The following TRANK1 variants were observed in gnomAD, a reference collection of about 807,000 sequenced individuals.
The protein encoded by TRANK1 is tetratricopeptide repeat and ankyrin repeat containing 1.
A neutral mutation model predicts 266.0 loss-of-function variants in TRANK1; 198 were observed. The ratio of observed to expected loss-of-function variants is 0.74; its 90% CI spans 0.66 to 0.84. The LOEUF is 0.84. TRANK1 is among the 40% of genes least tolerant of loss of function. The pLI, the probability that TRANK1 is intolerant of heterozygous loss-of-function variation, is 0.00. For missense variants in TRANK1, 3,326 were observed against 3,634.6 expected (o/e 0.92, Z 2.18); for synonymous variants, 1,396 against 1,384.1 (o/e 1.01, Z -0.19).
At chr3:36,836,838 G>A (rs1330115815) in intron 20 of TRANK1, among the ~76,000 whole-genome samples, 1 of 152,194 alleles carries the variant, frequency 6.6e-6, no homozygotes, top group Admixed American at 6.5e-5. Context: ...CTAAGCTGAT[G>A]CTAGACTCTA....
Position 36,834,891 on chromosome 3 carries a change from T to A in TRANK1, c.5534A>T (p.Tyr1845Phe). The change falls in exon 21 of 24, where the codon TAT (tyrosine) becomes TTT (phenylalanine). Residue 1845 changes from tyrosine to phenylalanine, a missense_variant. Tyr to Phe is a conservative substitution (Grantham distance 22, BLOSUM62 3). Transcript: ENST00000645898. ...ERLGKIRDAA[Y>F]FYKRSQCYKD... is the part of the protein sequence containing the mutation. ...GTAGCACTGGCTTCGCTTATAGAAATAGGCAGCATCTCTTATCTAGGATGG... is the reference window on the plus strand; with the variant it reads ...GTAGCACTGGCTTCGCTTATAGAAAAAGGCAGCATCTCTTATCTAGGATGG... 6.2e-7 allele frequency: 1 copy of A among 1,611,164 alleles called. No homozygotes were observed. Among genetic ancestry groups the A allele is most frequent in the Non-Finnish European group, 8.5e-7 (1 of 1,179,120 alleles).
chr3:36,888,595 C>T (rs894144679), intron 8 of TRANK1, among the ~76,000 whole-genome samples: 3 of 152,170 alleles, frequency 2.0e-5, no homozygotes, highest in Admixed American at 6.5e-5. Flanking sequence ...AAACAAGCCT[C>T]GCTGGGCTCC....
intron 1 of TRANK1, among the ~76,000 whole-genome samples, chr3:36,927,467 CT>C (rs2080304162): frequency 1.3e-5 from 2 of 152,218 alleles, no homozygotes; most frequent in African/African-American, 4.8e-5. Context: ...CACCAGACAC[CT>C]GCAAGTTAGC....
At position 36,908,448 on chromosome 3, in the gene TRANK1, G is replaced by T. The variant is rs2080005123; in HGVS notation, c.30C>A (p.Asp10Glu). 9.7e-6 allele frequency: 12 copies of T among 1,232,186 alleles called. No individual in the cohort carries two copies. The highest frequency in any genetic ancestry group is 1.2e-5 in the Non-Finnish European group (12 of 987,988). The allele number at this position is 1,232,186 out of a possible 1,614,324, so 76.3% of individuals were successfully genotyped here. The change falls in exon 2 of 24, where the codon GAC (aspartate) becomes GAA (glutamate). Residue 10 changes from aspartate (D) to glutamate (E), a missense_variant. Coordinates refer to ENST00000645898, the MANE Select transcript of TRANK1 (RefSeq NM_001329998.2). ...TCAGCAGCTCAGCGTAAGCTGTCAG[G>T]TCCATCCTGTGAGGAGACGGGGGAG... Reference protein sequence around the residue: MWDPRAARMDLTAYAELLKE... With the variant: MWDPRAARMELTAYAELLKE...
chr3:36,831,789 G>A lies in TRANK1; in HGVS notation c.7794C>T (p.Leu2598=). 6.2e-7 allele frequency: 1 copy of A among 1,613,962 alleles called. No homozygotes were observed. The highest frequency in any genetic ancestry group is 8.5e-7 in the Non-Finnish European group (1 of 1,179,896). ...HFREIESRLQ[L]MSMDCPGQVP... The stretch of plus-strand genomic sequence containing the variant: ...CCTGGCCAGGGCAGTCCATGCTCAT[G>A]AGCTGCAGCCTTGACTCAATCTCCC... The change falls in exon 22 of 24, where the codon CTC becomes CTT. Residue 2598 remains leucine, a synonymous_variant. Coordinates refer to ENST00000645898, the MANE Select transcript of TRANK1 (RefSeq NM_001329998.2). This position sits in a 1 kb window ranked among gnomAD's most constrained non-coding sequence, Gnocchi z 5.0.
At chr3:36,861,307 T>C in intron 10 of TRANK1, 147 bp from the exon 11 acceptor site, 2 of 964,502 alleles carry the variant, frequency 2.1e-6, no homozygotes, top group South Asian at 1.7e-5. Context: ...TAACCACTCA[T>C]GAACATCAGT....
At chr3:36,912,771 T>G (rs1232262286) in intron 1 of TRANK1, among the ~76,000 whole-genome samples, 1 of 152,208 alleles carries the variant, frequency 6.6e-6, no homozygotes, top group Non-Finnish European at 1.5e-5. Context: ...GCAACACAGA[T>G]GGCCTATGGA....
chr3:36,849,328 T>G (rs972317197), intron 15 of TRANK1, among the ~76,000 whole-genome samples: 2 of 152,176 alleles, frequency 1.3e-5, no homozygotes, highest in African/African-American at 4.8e-5. Flanking sequence ...ACTGGAAGAA[T>G]GACTTCCTCT....
At chr3:36,838,767 C>T in intron 18 of TRANK1, 51 bp from the exon 19 acceptor site, 1 of 1,546,718 alleles carries the variant, frequency 6.5e-7, no homozygotes. Context: ...AGGTAACAGA[C>T]AGAACAACGG....
At chr3:36,895,780 T>G in intron 4 of TRANK1, 22 bp from the exon 5 acceptor site, 5 of 1,490,956 alleles carry the variant, frequency 3.4e-6, no homozygotes, top group Non-Finnish European at 4.5e-6. Flanking sequence ...TTTCATAATT[T>G]AGGGATTTTA....
chr3:36,889,653 T>C (rs1234066484), intron 8 of TRANK1, among the ~76,000 whole-genome samples, 176 bp downstream of exon 8: 1 of 152,212 alleles, frequency 6.6e-6, no homozygotes, highest in Non-Finnish European at 1.5e-5. Context: ...CTCACCTTCT[T>C]TCTGCATTAC....
chr3:36,901,101 G>GTTTT (rs55801006), intron 3 of TRANK1, among the ~76,000 whole-genome samples: 1 of 136,980 alleles, frequency 7.3e-6, no homozygotes, highest in Non-Finnish European at 1.6e-5. Context: ...ATTCAAGGTT[G>GTTTT]TTTTTTTTTT....
At chr3:36,945,134 G>A (rs2080555752), upstream of TRANK1, 2 of 345,304 alleles carry the variant, frequency 5.8e-6, no homozygotes, top group East Asian at 9.8e-5. Flanking sequence ...TTGTCATCGC[G>A]TTCAAAAGGG....
Position 36,856,914 on chromosome 3 carries a change from C to T in TRANK1, c.2808G>A (p.Thr936=), listed in dbSNP as rs374314645. The T allele has an allele frequency of 2.9e-4, 460 of 1,613,850 alleles. 6 individuals carry two copies. In the South Asian group the frequency reaches 4.5e-3, roughly 16 times the overall value. The change falls in exon 13 of 24, where the codon ACG becomes ACA. Residue 936 remains threonine, a synonymous_variant. Coordinates refer to ENST00000645898, the MANE Select transcript of TRANK1 (RefSeq NM_001329998.2). The stretch of plus-strand genomic sequence containing the variant: ...CGATGTCCCAAATCCGGATGATTTC[C>T]GTGTAGATCCGCCCTGATTTCTCCA... ...CAMEKSGRIY[T]EIIRIWDIVL...
Position 36,832,947 on chromosome 3 carries a change from A to T in TRANK1, c.6636T>A (p.Pro2212=). 6.2e-7 allele frequency: 1 copy of T among 1,612,570 alleles called. No homozygotes were observed. Among genetic ancestry groups the T allele is most frequent in the Non-Finnish European group, 8.5e-7 (1 of 1,179,070 alleles). Reference sequence around the variant, plus strand: ...AACACTTGGCTTCACAACGCCGCAGAGGCCTGTGAAAATGTTCACAGTTTT... The same window carrying T: ...AACACTTGGCTTCACAACGCCGCAGTGGCCTGTGAAAATGTTCACAGTTTT... The part of the protein sequence containing the change: ...EDENCEHFHR[P]LRRCEAKCLV... The change falls in exon 22 of 24, where the codon CCT becomes CCA. Residue 2212 remains proline, a synonymous_variant. Transcript: ENST00000645898.
At chr3:36,935,217 C>T (rs1008451298) in intron 1 of TRANK1, among the ~76,000 whole-genome samples, 23 of 152,148 alleles carry the variant, frequency 1.5e-4, no homozygotes, top group African/African-American at 5.3e-4. Context: ...CCCTGCATGC[C>T]CACCCCGGGA....
chr3:36,832,110 G>A lies in TRANK1; in HGVS notation c.7473C>T (p.Phe2491=). Reference sequence around the variant, plus strand: ...GCTCCTTGTCCTTCTTGCTAAACAGGAACTCCCAGTAGTGCAAGAGTGCAA... The same window carrying A: ...GCTCCTTGTCCTTCTTGCTAAACAGAAACTCCCAGTAGTGCAAGAGTGCAA... ...SYIALLHYWE[F]LFSKKDKELG... Residue 2491 remains phenylalanine, a synonymous_variant, in exon 22 of 24, where the codon TTC becomes TTT. Coordinates refer to ENST00000645898, the MANE Select transcript of TRANK1 (RefSeq NM_001329998.2). The A allele has an allele frequency of 6.2e-7, 1 of 1,613,938 alleles. No individual in the cohort carries two copies.
chr3:36,907,317 A>ATTTTTTTTTTTTTTTTT (rs2079984162), intron 2 of TRANK1, among the ~76,000 whole-genome samples: 2 of 151,876 alleles, frequency 1.3e-5, no homozygotes, highest in Admixed American at 1.3e-4. Flanking sequence ...CGCCCAGCTA[A>ATTTTTTTTTTTTTTTTT]TTTTGTATTT....
At chr3:36,919,351 T>C (rs888459582) in intron 1 of TRANK1, among the ~76,000 whole-genome samples, 6 of 152,234 alleles carry the variant, frequency 3.9e-5, no homozygotes, top group Non-Finnish European at 7.3e-5. Flanking sequence ...CTGTAAACTA[T>C]AAATGAGTTT....
Sources: gnomAD v4.1 joint callset for allele counts (sites outside exome capture counted in the v4.1 genomes callset) on GRCh38, gnomAD v4.1.1 for gene constraint, Gnocchi (gnomAD v3.1) non-coding constraint, MANE v1.5 for transcripts, NCBI Gene and HGNC (gene_info 2026-07-23, HGNC 2026-07-21) for gene names.